The following NAE1 variants were observed in gnomAD, a reference collection of about 807,000 sequenced individuals.
NAE1 encodes NEDD8-activating enzyme E1 regulatory subunit.
In NAE1, 59 loss-of-function variants were observed where a neutral mutation model predicts 88.0. The ratio of observed to expected loss-of-function variants is 0.67; its 90% CI spans 0.54 to 0.83. NAE1 has a LOEUF of 0.83. NAE1 is among the 40% of genes least tolerant of loss of function. The probability of loss-of-function intolerance (pLI) is 0.00; values close to 1 mark genes in which losing one functional copy is unlikely to be tolerated. For missense variants in NAE1, 554 were observed against 632.8 expected (o/e 0.88, Z 1.34); for synonymous variants, 186 against 208.9 (o/e 0.89, Z 0.95).
chr16:66,813,862 G>T lies in NAE1; in HGVS notation c.841-16C>A. 1 of 1,607,484 alleles carries T rather than the reference G, an allele frequency of 6.2e-7. No individual in the cohort carries two copies. The highest frequency in any genetic ancestry group is 1.1e-5 in the South Asian group (1 of 90,030). On this transcript the variant is annotated splice_polypyrimidine_tract_variant and intron_variant, in intron 11 of 19. Transcript: ENST00000290810. Reference sequence around the variant, plus strand: ...TGCTTGGGATCTAACAAAGGAACATGAAACATTTACTTACACAGTATTAAG... The same window carrying T: ...TGCTTGGGATCTAACAAAGGAACATTAAACATTTACTTACACAGTATTAAG...
chr16:66,812,338 C>T (rs932629011), intron 13 of NAE1, among the ~76,000 whole-genome samples: 24 of 151,838 alleles, frequency 1.6e-4, no homozygotes, highest in African/African-American at 5.6e-4. Flanking sequence ...TCGTTGTGAA[C>T]CTTGTGTGTG....
intron 11 of NAE1, among the ~76,000 whole-genome samples, chr16:66,814,692 C>G (rs1320339284): frequency 1.3e-5 from 2 of 151,964 alleles, no homozygotes; most frequent in South Asian, 4.1e-4. Context: ...GACCTCCTAA[C>G]TGCTCTCTCT....
At chr16:66,817,240 C>A (rs1960081316) in intron 9 of NAE1, 185 bp downstream of exon 9, 2 of 895,828 alleles carry the variant, frequency 2.2e-6, no homozygotes, top group African/African-American at 1.7e-5. Flanking sequence ...TATTGAATTT[C>A]ATTTTAATTA....
At chr16:66,823,876 C>A (rs915921913) in intron 4 of NAE1, among the ~76,000 whole-genome samples, 2 of 152,176 alleles carry the variant, frequency 1.3e-5, no homozygotes, top group Non-Finnish European at 2.9e-5. Context: ...GGACTACAGG[C>A]ATGTGCTACC....
intron 1 of NAE1, 99 bp from the exon 2 acceptor site, chr16:66,826,879 T>TA: frequency 9.5e-7 from 1 of 1,055,336 alleles, no homozygotes; most frequent in Non-Finnish European, 1.4e-6. Context: ...CATAGACTGA[T>TA]ATGATAACCA....
In NAE1 at chr16:66,816,833, C is replaced by A. The variant is rs1960061776; in HGVS notation, c.748+132G>T. On this transcript the variant is annotated intron_variant, in intron 10 of 19. Transcript: ENST00000290810. ...AACTATACAAGGCGTGGCTTCTTAACTTCTCCAGAAGGAAAATAAAAGCTC... is the reference window on the plus strand; with the variant it reads ...AACTATACAAGGCGTGGCTTCTTAAATTCTCCAGAAGGAAAATAAAAGCTC... The A allele has an allele frequency of 5.6e-6, 8 of 1,439,974 alleles. No individual in the cohort carries two copies. The South Asian group carries it at 1.0e-4, about 18-fold the overall frequency. 89.2% of individuals were successfully genotyped at this position (1,439,974 alleles called of 1,614,324 possible).
At position 66,805,954 on chromosome 16, in the gene NAE1, T is replaced by C. The variant is rs141920415; in HGVS notation, c.1403A>G (p.Tyr468Cys). 1.6e-5 allele frequency: 26 copies of C among 1,613,418 alleles called. 1 individual carries two copies. In the African/African-American group the frequency reaches 2.1e-4, roughly 13 times the overall value. ...KSCLTGFLQE[Y>C]GLSVMVKDDY... ...ATCTTTCACCATTACAGATAAACCA[T>C]ATTCCTGAAGGAAGCCAGTGAGACA... Residue 468 changes from tyrosine (Y) to cysteine (C), a missense_variant, in exon 18 of 20, where the codon TAT (tyrosine) becomes TGT (cysteine). Physicochemically the swap from Tyr to Cys is radical, Grantham distance 194. Coordinates refer to ENST00000290810, the MANE Select transcript of NAE1 (RefSeq NM_003905.4).
rs1597045781 is a variant in NAE1 at position 66,818,663 on chromosome 16, T to TA, written c.512-27dup. ...CTGTGAAACAAAGAATTCAAAAGGA[T>TA]AAATTTAACACTTAAAAAAAAAAAA... On this transcript the variant is annotated intron_variant, in intron 7 of 19. Coordinates refer to ENST00000290810, the MANE Select transcript of NAE1 (RefSeq NM_003905.4). 6 of 1,574,926 alleles carry TA rather than the reference T, an allele frequency of 3.8e-6. No individual in the cohort carries two copies. The East Asian group carries it at 1.4e-4, about 36-fold the overall frequency.
chr16:66,806,056 T>C, intron 17 of NAE1, 30 bp from the exon 18 acceptor site: 1 of 1,574,602 alleles, frequency 6.4e-7, no homozygotes, highest in Non-Finnish European at 8.6e-7. Flanking sequence ...TTCATTAAAA[T>C]AAATGTGATT....
rs1199373419 is a variant in NAE1, at chr16:66,817,997, TA to T, written c.622-511del. On this transcript the variant is annotated intron_variant, in intron 8 of 19. Coordinates refer to ENST00000290810, the MANE Select transcript of NAE1 (RefSeq NM_003905.4). ...ATTTTTGTGGGTACTTAGGTGTATA[TA>T]TTTATGGGGTACATGCTTTGATACA... Among the ~76,000 whole-genome samples the T allele has an allele frequency of 2.6e-5, 4 of 152,222 alleles. No homozygotes were observed. In the East Asian group the frequency reaches 5.8e-4, roughly 22 times the overall value.
At position 66,820,120 on chromosome 16, in the gene NAE1, T is replaced by C. The variant is rs539946836; in HGVS notation, c.511+1330A>G. ...CACCACCAGCAGCCAGAGCTTATCC[T>C]GACAAGCACTCCCTAACTGCCCACA... On this transcript the variant is annotated intron_variant, in intron 7 of 19. Coordinates refer to ENST00000290810, the MANE Select transcript of NAE1 (RefSeq NM_003905.4). Among the ~76,000 whole-genome samples the C allele has an allele frequency of 2.0e-5, 3 of 152,314 alleles. No individual in the cohort carries two copies. The South Asian group carries it at 6.2e-4, about 32-fold the overall frequency.
At chr16:66,827,309 C>T (rs1209321531) in intron 1 of NAE1, among the ~76,000 whole-genome samples, 3 of 151,388 alleles carry the variant, frequency 2.0e-5, no homozygotes, top group East Asian at 2.0e-4. Flanking sequence ...TGGCTCACAC[C>T]TGTAATCCCA....
chr16:66,805,753 A>G, intron 19 of NAE1, 24 bp downstream of exon 19: 1 of 1,443,394 alleles, frequency 6.9e-7, no homozygotes, highest in Non-Finnish European at 9.1e-7. Context: ...ACAACAGGTG[A>G]GTCTTCTCAT....
In NAE1 at chr16:66,818,540, A is replaced by G. The variant is rs779289781; in HGVS notation, c.609T>C (p.His203=). The G allele has an allele frequency of 3.7e-6, 6 of 1,606,874 alleles. No homozygotes were observed. Among genetic ancestry groups the G allele is most frequent in the Non-Finnish European group, 5.1e-6 (6 of 1,177,738 alleles). ...ACACACTACCAACCTTTTTTTCCAT[A>G]TGATCCAAATCATAGGACTGAAAAT... ...REHFQSYDLD[H]MEKKDHSHTP... is the part of the protein sequence containing the mutation. The change falls in exon 8 of 20, where the codon CAT becomes CAC. Residue 203 remains histidine, a synonymous_variant. Coordinates refer to ENST00000290810, the MANE Select transcript of NAE1 (RefSeq NM_003905.4).
intron 6 of NAE1, among the ~76,000 whole-genome samples, chr16:66,822,585 A>T (rs894352702): frequency 1.3e-5 from 2 of 152,098 alleles, no homozygotes; most frequent in Middle Eastern, 6.8e-3. Flanking sequence ...ATAATAATAA[A>T]AAAAAAAGTT....
chr16:66,826,945 G>A (rs767561083), intron 1 of NAE1, among the ~76,000 whole-genome samples, 165 bp from the exon 2 acceptor site: 2 of 152,142 alleles, frequency 1.3e-5, no homozygotes, highest in African/African-American at 4.8e-5. Context: ...CAGTAATCTA[G>A]AACTCAGGTT....
Position 66,810,773 on chromosome 16 carries a change from C to CT in NAE1, c.1035-2dup. The stretch of plus-strand genomic sequence containing the variant: ...ATCTTTCTTTGCTTTTTCACGGTAA[C>CT]TAAAAAAGAATAAAAAGCAATTACT... On this transcript the variant is annotated splice_acceptor_variant, in intron 13 of 19. Transcript: ENST00000290810. LOFTEE classifies it high-confidence loss of function. 1 of 1,612,614 alleles carries CT rather than the reference C, an allele frequency of 6.2e-7. No homozygotes were observed. Among genetic ancestry groups the CT allele is most frequent in the Non-Finnish European group, 8.5e-7 (1 of 1,179,634 alleles).
intron 1 of NAE1, chr16:66,827,913 TG>T (rs764029606): frequency 7.2e-7 from 1 of 1,397,312 alleles, no homozygotes; most frequent in South Asian, 1.2e-5. Context: ...CTTGAACTCC[TG>T]GGTTCAAGCA....
intron 13 of NAE1, among the ~76,000 whole-genome samples, chr16:66,812,084 T>C (rs764934444): frequency 5.3e-5 from 8 of 152,186 alleles, no homozygotes; most frequent in African/African-American, 1.9e-4. Context: ...GCTATAGTCA[T>C]AGACTATAAC....
Sources: allele counts gnomAD v4.1 joint callset (sites outside exome capture counted in the v4.1 genomes callset), GRCh38; gene constraint gnomAD v4.1.1; transcripts MANE v1.5; gene names NCBI Gene and HGNC (gene_info 2026-07-23, HGNC 2026-07-21).